Variants in OBP2B observed in about 807,000 individuals in gnomAD.
OBP2B encodes odorant-binding protein 2b.
In OBP2B, 10 loss-of-function variants were observed where a neutral mutation model predicts 21.7. The ratio of observed to expected loss-of-function variants is 0.46; its 90% CI spans 0.28 to 0.78. OBP2B has a LOEUF of 0.78. Among genes scored for constraint, OBP2B ranks in the 30% least tolerant of loss-of-function variants. OBP2B has a pLI of 0.11. For missense variants in OBP2B, 153 were observed against 217.7 expected (o/e 0.70, Z 1.87); for synonymous variants, 73 against 91.5 (o/e 0.80, Z 1.16).
At chr9:133,218,154 A>G in the OBP2B span, among the ~76,000 whole-genome samples, 2 of 152,228 alleles carry the variant, frequency 1.3e-5, no homozygotes, top group Non-Finnish European at 2.9e-5. Flanking sequence ...TGAAGGAAGC[A>G]AGCCATGAGC....
At chr9:133,209,579 C>T (rs1833867292), upstream of OBP2B, among the ~76,000 whole-genome samples, 1 of 152,206 alleles carries the variant, frequency 6.6e-6, no homozygotes, top group Non-Finnish European at 1.5e-5. This position sits in a 1 kb window ranked among gnomAD's most constrained non-coding sequence, Gnocchi z 6.0. Flanking sequence ...CCAACCCCTG[C>T]ACCCTCCCAG....
chr9:133,221,140 A>C, the OBP2B span, among the ~76,000 whole-genome samples: 1 of 152,248 alleles, frequency 6.6e-6, no homozygotes, highest in Non-Finnish European at 1.5e-5. Flanking sequence ...TTGACCAACA[A>C]ATGAAAGCGT....
intron 2 of OBP2B, 92 bp from the exon 3 acceptor site, chr9:133,208,295 G>A (rs1195255730): frequency 1.2e-6 from 2 of 1,604,698 alleles, no homozygotes; most frequent in Non-Finnish European, 1.7e-6. Context: ...CCGGCAACCT[G>A]AAAATTCCAC....
At chr9:133,213,045 C>A (rs1370990248), upstream of OBP2B, among the ~76,000 whole-genome samples, 1 of 152,032 alleles carries the variant, frequency 6.6e-6, no homozygotes, top group African/African-American at 2.4e-5. Context: ...GACAGCATGA[C>A]AAAACCTCAT....
At chr9:133,208,067 G>A in intron 3 of OBP2B, 66 bp downstream of exon 3, 1 of 1,517,398 alleles carries the variant, frequency 6.6e-7, no homozygotes, top group Non-Finnish European at 8.9e-7. Flanking sequence ...CTCTCTACCT[G>A]TGGAGGCTGG....
the OBP2B span, among the ~76,000 whole-genome samples, chr9:133,218,816 A>C: frequency 6.6e-6 from 1 of 152,176 alleles, no homozygotes; most frequent in Non-Finnish European, 1.5e-5. Flanking sequence ...AGAATGTGGG[A>C]GACAAGGAAA....
the OBP2B span, among the ~76,000 whole-genome samples, chr9:133,217,314 T>C: frequency 4.6e-5 from 7 of 152,300 alleles, no homozygotes; most frequent in South Asian, 1.4e-3. Context: ...TATCAATGTC[T>C]TGCCTCCAGC....
the OBP2B span, among the ~76,000 whole-genome samples, chr9:133,215,393 AT>A: frequency 6.6e-6 from 1 of 152,234 alleles, no homozygotes; most frequent in South Asian, 2.1e-4. Flanking sequence ...TCCAGAAGGA[AT>A]TTTTGTAGAC....
chr9:133,222,291 A>T, the OBP2B span, among the ~76,000 whole-genome samples: 1 of 152,300 alleles, frequency 6.6e-6, no homozygotes, highest in East Asian at 1.9e-4. Flanking sequence ...CTTGCCTGAG[A>T]GCTCGGCACT....
upstream of OBP2B, among the ~76,000 whole-genome samples, chr9:133,213,759 A>G (rs1422962643): frequency 6.6e-6 from 1 of 152,256 alleles, no homozygotes; most frequent in Admixed American, 6.5e-5. Context: ...TAATAGCTCT[A>G]TGACAATTAA....
upstream of OBP2B, among the ~76,000 whole-genome samples, chr9:133,211,440 A>T (rs1372875951): frequency 6.6e-6 from 1 of 152,208 alleles, no homozygotes; most frequent in African/African-American, 2.4e-5. Context: ...CCCACCTGCC[A>T]CAGTTGTAGA....
At chr9:133,217,307 C>G in the OBP2B span, among the ~76,000 whole-genome samples, 1 of 152,184 alleles carries the variant, frequency 6.6e-6, no homozygotes, top group Non-Finnish European at 1.5e-5. Context: ...TGCCAGCTAT[C>G]AATGTCTTGC....
At position 133,206,362 on chromosome 9, in the gene OBP2B, T is replaced by G; in HGVS notation, c.443A>C (p.Gln148Pro). Residue 148 changes from glutamine to proline, a missense_variant, in exon 5 of 7, where the codon CAG becomes CCG. Gln to Pro is a moderately conservative substitution (Grantham distance 76). Coordinates refer to ENST00000372034, the MANE Select transcript of OBP2B (RefSeq NM_014581.4). The stretch of plus-strand genomic sequence containing the variant: ...GTCCTCCTCCGAGAGTCCCTTGCGC[T>G]GCACCAATTTCTTAAATTCTTCCAG... The part of the protein sequence containing the change: ...EALEEFKKLV[Q>P]RKGLSEEDIF... 3 of 1,614,014 alleles carry G rather than the reference T, an allele frequency of 1.9e-6. No homozygotes were observed. Among genetic ancestry groups the G allele is most frequent in the Non-Finnish European group, 2.5e-6 (3 of 1,179,988 alleles).
rs1273135533 is a variant in OBP2B at position 133,207,233 on chromosome 9, C to T, written c.381G>A (p.Lys127=). The T allele has an allele frequency of 6.2e-7, 1 of 1,611,972 alleles. No homozygotes were observed. The highest frequency in any genetic ancestry group is 1.7e-5 in the Admixed American group (1 of 60,014). The part of the protein sequence containing the change: ...QHHGGLLHMG[K]LVGRNSDTNR... ...CCCCAGCAAGCCCCTCACCCACAAG[C>T]TTTCCCATGTGGAGCAGGCCCCCAT... Residue 127 remains lysine, a synonymous_variant, in exon 4 of 7, where the codon AAG becomes AAA. Coordinates refer to ENST00000372034, the MANE Select transcript of OBP2B (RefSeq NM_014581.4).
rs200423721 is a variant in OBP2B at position 133,205,926 on chromosome 9, C to G, written c.505G>C (p.Glu169Gln). The G allele has an allele frequency of 1.1e-4, 180 of 1,613,120 alleles. No homozygotes were observed. Among genetic ancestry groups the G allele is most frequent in the Admixed American group, 1.8e-4 (11 of 60,000 alleles). ...TPLQTGSCVP[E>Q]H is the part of the protein sequence containing the mutation. ...CTAAAGGCTCACTCACCCTAGTGTT[C>G]GGGAACGCAGCTTCCTGCAGAGACC... Residue 169 changes from glutamate to glutamine, a missense_variant, in exon 6 of 7, where the codon GAA becomes CAA. Glu to Gln is a conservative substitution (Grantham distance 29). Coordinates refer to ENST00000372034, the MANE Select transcript of OBP2B (RefSeq NM_014581.4).
chr9:133,218,464 G>A, the OBP2B span, among the ~76,000 whole-genome samples: 9 of 152,322 alleles, frequency 5.9e-5, no homozygotes, highest in Non-Finnish European at 1.2e-4. Context: ...TTTGGAGGCC[G>A]AATATAGAAG....
chr9:133,218,132 G>A, the OBP2B span, among the ~76,000 whole-genome samples: 1 of 152,174 alleles, frequency 6.6e-6, no homozygotes, highest in Non-Finnish European at 1.5e-5. Flanking sequence ...TTCAAACACC[G>A]AATTTAAGAC....
At chr9:133,216,366 C>T in the OBP2B span, among the ~76,000 whole-genome samples, 1 of 151,002 alleles carries the variant, frequency 6.6e-6, no homozygotes, top group Non-Finnish European at 1.5e-5. Context: ...CAAATAAAAG[C>T]CATGATATAT....
chr9:133,207,446 C>T, intron 3 of OBP2B, 110 bp from the exon 4 acceptor site: 1 of 724,732 alleles, frequency 1.4e-6, no homozygotes, highest in Non-Finnish European at 2.4e-6. Flanking sequence ...ACAGCCTGAG[C>T]CAGGCCTGGC....
Sources: allele counts gnomAD v4.1 joint callset (sites outside exome capture counted in the v4.1 genomes callset), GRCh38; gene constraint gnomAD v4.1.1; non-coding constraint Gnocchi (gnomAD v3.1); transcripts MANE v1.5; gene names NCBI Gene and HGNC (gene_info 2026-07-23, HGNC 2026-07-21).